The following NASP variants were observed in gnomAD, a reference collection of about 807,000 sequenced individuals.
NASP encodes the protein NASP histone chaperone.
Under a neutral mutation model 89.5 loss-of-function variants are expected in NASP, and 24 were observed. The observed-to-expected ratio is 0.27, with a 90% CI of 0.19 to 0.38. The LOEUF is 0.38. Among genes scored for constraint, NASP ranks in the 10% least tolerant of loss-of-function variants. The pLI is 1.00. For missense variants in NASP, 848 were observed against 921.4 expected (o/e 0.92, Z 1.03); for synonymous variants, 306 against 324.7 (o/e 0.94, Z 0.62).
In NASP at chr1:45,584,163, C is replaced by G. The variant is rs1644491032; in HGVS notation, c.17C>G (p.Thr6Arg). 6.3e-7 allele frequency: 1 copy of G among 1,596,788 alleles called. No homozygotes were observed. Among genetic ancestry groups the G allele is most frequent in the South Asian group, 1.1e-5 (1 of 88,130 alleles). ...AGGGGAACGATGGCCATGGAGTCCA[C>G]AGCCACTGCCGCCGTCGCCGCGGAG... MAMES[T>R]ATAAVAAELV... is the part of the protein sequence containing the mutation. Residue 6 changes from threonine (T) to arginine (R), a missense_variant, in exon 1 of 15, where the codon ACA becomes AGA. Physicochemically the swap from Thr to Arg is moderately conservative, Grantham distance 71. Around this residue, in one of 5 missense-constraint regions of NASP, gnomAD observed 89 missense variants for 79.2 expected, o/e 1.12. Transcript: ENST00000350030.
In NASP at chr1:45,616,682, T is replaced by C. The variant is rs1199944363; in HGVS notation, c.2136T>C (p.Ile712=). Residue 712 remains isoleucine (I), a synonymous_variant, in exon 13 of 15, where the codon ATT becomes ATC. Coordinates refer to ENST00000350030, the MANE Select transcript of NASP (RefSeq NM_002482.4). ...CCTCATCAAATTGTGTGACTGATAT[T>C]TCCCACCTTGTCAGAAAGAAGGTAA... is the stretch of plus-strand genomic sequence containing the variant. ...GASSSNCVTD[I]SHLVRKKRKP... 5 of 1,613,994 alleles carry C rather than the reference T, an allele frequency of 3.1e-6. No homozygotes were observed. Among genetic ancestry groups the C allele is most frequent in the Non-Finnish European group, 3.4e-6 (4 of 1,179,804 alleles).
In NASP at chr1:45,602,377, A is replaced by G. The variant is rs866149920; in HGVS notation, c.218+12A>G. The G allele has an allele frequency of 4.4e-6, 7 of 1,607,420 alleles. No individual in the cohort carries two copies. The highest frequency in any genetic ancestry group is 1.7e-4 in the Middle Eastern group (1 of 6,030). ...GCAGCTAGTCTTTTGTAAGTATTGTATATTTTGCTATGATGTAATATTATG... is the reference window on the plus strand; with the variant it reads ...GCAGCTAGTCTTTTGTAAGTATTGTGTATTTTGCTATGATGTAATATTATG... On this transcript the variant is annotated intron_variant, in intron 3 of 14. Coordinates refer to ENST00000350030, the MANE Select transcript of NASP (RefSeq NM_002482.4).
intron 13 of NASP, chr1:45,617,169 TC>T (rs1366443339): frequency 2.3e-5 from 8 of 345,194 alleles, no homozygotes; most frequent in African/African-American, 1.7e-4. Flanking sequence ...CTGTTCTGTT[TC>T]CTGACTCAAA....
intron 6 of NASP, chr1:45,609,518 A>AAAAC (rs1643966386): frequency 6.6e-6 from 1 of 152,222 alleles, no homozygotes. Flanking sequence ...AAACAAAACC[A>AAAAC]CACACACAAA....
At position 45,615,344 on chromosome 1, in the gene NASP, C is replaced by T. The variant is rs1453187868; in HGVS notation, c.1895C>T (p.Ser632Phe). The stretch of plus-strand genomic sequence containing the variant: ...CAGGTGAAGGAGGCTGAAGGATCGT[C>T]TGCTGAATACAAGAAAGAAATTGAG... ...NEQVKEAEGS[S>F]AEYKKEIEEL... The change falls in exon 11 of 15, where the codon TCT becomes TTT. Residue 632 changes from serine to phenylalanine, a missense_variant. By Grantham distance (155) the Ser-to-Phe change is radical (BLOSUM62 -2). Coordinates refer to ENST00000350030, the MANE Select transcript of NASP (RefSeq NM_002482.4). 1 of 1,614,034 alleles carries T rather than the reference C, an allele frequency of 6.2e-7. No homozygotes were observed. The highest frequency in any genetic ancestry group is 8.5e-7 in the Non-Finnish European group (1 of 1,180,028).
intron 3 of NASP, among the ~76,000 whole-genome samples, chr1:45,604,475 T>A (rs1297458760): frequency 6.6e-6 from 1 of 152,218 alleles, no homozygotes; most frequent in Non-Finnish European, 1.5e-5. Context: ...ACTGTGAGAA[T>A]AATTTGTCTA....
intron 1 of NASP, chr1:45,588,641 T>G (rs1644592311): frequency 2.2e-6 from 1 of 453,964 alleles, no homozygotes; most frequent in Admixed American, 2.4e-5. Flanking sequence ...GTTTTTTTGT[T>G]TCTCTTAAGA....
At chr1:45,611,993 T>A (rs549638450) in intron 6 of NASP, 1 of 150,900 alleles carries the variant, frequency 6.6e-6, no homozygotes, top group Admixed American at 6.6e-5. Context: ...CCCAAGTAGC[T>A]GGGACTACAT....
At position 45,584,139 on chromosome 1, in the gene NASP, G is replaced by C. The variant is rs1321138720; in HGVS notation, c.-8G>C. 1 of 1,590,902 alleles carries C rather than the reference G, an allele frequency of 6.3e-7. No individual in the cohort carries two copies. The highest frequency in any genetic ancestry group is 1.1e-5 in the South Asian group (1 of 87,522). ...TTCCGTTCGCTGGTTCGCCACCTCA[G>C]GGGAACGATGGCCATGGAGTCCACA... On this transcript the variant is annotated 5_prime_UTR_variant, in exon 1 of 15. Transcript: ENST00000350030.
intron 3 of NASP, among the ~76,000 whole-genome samples, chr1:45,603,202 T>C (rs1643873061): frequency 6.6e-6 from 1 of 152,126 alleles, no homozygotes; most frequent in African/African-American, 2.4e-5. Flanking sequence ...GTACCTCCAT[T>C]ATCTGAGAGA....
At chr1:45,590,335 G>C (rs1348510984) in intron 1 of NASP, among the ~76,000 whole-genome samples, 2 of 420 alleles carry the variant, frequency 4.8e-3, no homozygotes, top group Non-Finnish European at 6.3e-3. Flanking sequence ...ACGAGGTCAG[G>C]AGACGAGACC....
intron 6 of NASP, among the ~76,000 whole-genome samples, chr1:45,608,748 T>C (rs1409572423): frequency 2.0e-5 from 3 of 152,158 alleles, no homozygotes; most frequent in Non-Finnish European, 2.9e-5. Flanking sequence ...GATTTTAAAA[T>C]TATTGTTCAC....
intron 7 of NASP, among the ~76,000 whole-genome samples, chr1:45,613,821 A>G (rs3014249): frequency 0.72 from 109,916 of 151,964 alleles, 39,877 homozygotes; most frequent in African/African-American, 0.76. Flanking sequence ...CTGTCTCTTG[A>G]TTATGGATTA....
chr1:45,606,732 G>T, intron 5 of NASP, 141 bp downstream of exon 5: 3 of 546,774 alleles, frequency 5.5e-6, no homozygotes, highest in East Asian at 6.2e-5. Context: ...GGTGGAGATT[G>T]CAGTGGGGAT....
At chr1:45,617,736 A>G (rs992109380) in intron 14 of NASP, 145 bp downstream of exon 14, 5 of 1,047,464 alleles carry the variant, frequency 4.8e-6, no homozygotes, top group Non-Finnish European at 6.8e-6. Flanking sequence ...GTACTTGTGC[A>G]GGAAAACAGT....
At chr1:45,587,711 CTTG>C (rs1327965129) in intron 1 of NASP, among the ~76,000 whole-genome samples, 2 of 61,708 alleles carry the variant, frequency 3.2e-5, no homozygotes, top group Non-Finnish European at 6.5e-5. Context: ...GAGAGAGAGT[CTTG>C]TTGTCTTGCC....
chr1:45,617,996 C>CATAGGA, intron 14 of NASP, 65 bp from the exon 15 acceptor site: 1 of 1,430,984 alleles, frequency 7.0e-7, no homozygotes, highest in Non-Finnish European at 9.6e-7. Flanking sequence ...ACTGAGGCCT[C>CATAGGA]AGTTATATAA....
chr1:45,610,533 T>C (rs1472539759), intron 6 of NASP: 1 of 152,252 alleles, frequency 6.6e-6, no homozygotes, highest in Non-Finnish European at 1.5e-5. Context: ...AAACCCTGTT[T>C]ACTGCCACCT....
chr1:45,587,903 G>A lies in NASP; in HGVS notation c.60-3320G>A, dbSNP rs568337100. The stretch of plus-strand genomic sequence containing the variant: ...CGGGAGGCAGAGGTTGCAGTGAGTC[G>A]AGATTGTGCCACTGCACTCTAGCCT... On this transcript the variant is annotated intron_variant, in intron 1 of 14. Transcript: ENST00000350030. 6.0e-5 allele frequency among the ~76,000 whole-genome samples: 9 copies of A among 150,604 alleles called. 1 individual carries two copies. In the South Asian group the frequency reaches 6.3e-4, roughly 11 times the overall value.
Sources: gnomAD v4.1 joint callset for allele counts (sites outside exome capture counted in the v4.1 genomes callset) on GRCh38, gnomAD v4.1.1 for gene constraint, gnomAD v4.1.1 regional missense constraint, MANE v1.5 for transcripts, NCBI Gene and HGNC (gene_info 2026-07-23, HGNC 2026-07-21) for gene names.